Variants in PRSS12 observed in about 807,000 individuals in gnomAD.
PRSS12 encodes neurotrypsin.
In PRSS12, 85 loss-of-function variants were observed where a neutral mutation model predicts 104.4. The observed-to-expected ratio is 0.81, with a 90% CI of 0.68 to 0.98. The LOEUF is 0.98. Ranked by LOEUF, PRSS12 falls within the 50% of genes least tolerant of loss-of-function variation. PRSS12 has a pLI of 0.00. For missense variants in PRSS12, 1,141 were observed against 1,139.2 expected (o/e 1.00, Z -0.02); for synonymous variants, 454 against 425.2 (o/e 1.07, Z -0.83).
chr4:118,323,374 C>T (rs1280347697), intron 4 of PRSS12, among the ~76,000 whole-genome samples: 1 of 151,568 alleles, frequency 6.6e-6, no homozygotes, highest in East Asian at 1.9e-4. Flanking sequence ...TATAAGGAAA[C>T]CTGAGACCAA....
At chr4:118,346,169 ATAGAGGAGCC>A (rs1387159402) in intron 1 of PRSS12, among the ~76,000 whole-genome samples, 2 of 152,192 alleles carry the variant, frequency 1.3e-5, no homozygotes, top group East Asian at 3.8e-4. Context: ...TCTGAAGAGG[ATAGAGGAGCC>A]AAGAAAGTAG....
Position 118,280,780 on chromosome 4 carries a change from A to G in PRSS12, c.*1156T>C, listed in dbSNP as rs949148615. ...CCATAGGGAAACCAATCATTTAGGT[A>G]GGAGAACCATGGGGAAAAAAATCAG... On this transcript the variant is annotated 3_prime_UTR_variant, in exon 13 of 13. Coordinates refer to ENST00000296498, the MANE Select transcript of PRSS12 (RefSeq NM_003619.4). 4.6e-5 allele frequency: 7 copies of G among 152,254 alleles called. No individual in the cohort carries two copies. The highest frequency in any genetic ancestry group is 1.4e-4 in the African/African-American group (6 of 41,468). The allele number at this position is 152,254 out of a possible 1,614,324, so 9.4% of individuals were successfully genotyped here. A position where few individuals can be genotyped will look rare whatever the true frequency, so the allele number is the denominator to read the frequency against.
intron 1 of PRSS12, among the ~76,000 whole-genome samples, chr4:118,339,577 A>G (rs1448046451): frequency 6.6e-6 from 1 of 152,226 alleles, no homozygotes; most frequent in African/African-American, 2.4e-5. Flanking sequence ...GGAGGTGAGC[A>G]TTGTACAGTA....
At chr4:118,345,944 T>A (rs1724343686) in intron 1 of PRSS12, among the ~76,000 whole-genome samples, 1 of 152,216 alleles carries the variant, frequency 6.6e-6, no homozygotes, top group African/African-American at 2.4e-5. Flanking sequence ...ATCTATGTAA[T>A]CATGGTAATT....
Position 118,336,615 on chromosome 4 carries a change from A to G in PRSS12, c.642-964T>C, listed in dbSNP as rs141320393. Among the ~76,000 whole-genome samples, 1,027 of 152,268 alleles carry G rather than the reference A, an allele frequency of 6.7e-3. 13 individuals carry two copies. Among genetic ancestry groups the G allele is most frequent in the African/African-American group, 0.023 (942 of 41,554 alleles). ...ATGATACTATATAAGCAGCTGGATCAGCTTATCTGAAGTTTGTTTGCAGAA... is the reference window on the plus strand; with the variant it reads ...ATGATACTATATAAGCAGCTGGATCGGCTTATCTGAAGTTTGTTTGCAGAA... On this transcript the variant is annotated intron_variant, in intron 2 of 12. Coordinates refer to ENST00000296498, the MANE Select transcript of PRSS12 (RefSeq NM_003619.4).
rs1724549986 is a variant in PRSS12, at chr4:118,352,618, G to A, written c.103C>T (p.His35Tyr). ...LNDSLHHSHR[H>Y]SPPAGPHYPY... Reference sequence around the variant, plus strand: ...TAGTGCGGACCCGCAGGGGGCGAATGGCGGTGGCTGTGGTGGAGGGAATCA... The same window carrying A: ...TAGTGCGGACCCGCAGGGGGCGAATAGCGGTGGCTGTGGTGGAGGGAATCA... The change falls in exon 1 of 13, where the codon CAT becomes TAT. Residue 35 changes from histidine to tyrosine, a missense_variant. By Grantham distance (83) the His-to-Tyr change is moderately conservative. Transcript: ENST00000296498. 1.2e-6 allele frequency: 2 copies of A among 1,611,470 alleles called. No homozygotes were observed. Among genetic ancestry groups the A allele is most frequent in the Non-Finnish European group, 1.7e-6 (2 of 1,179,066 alleles).
chr4:118,319,358 G>A (rs1164069430), intron 4 of PRSS12, among the ~76,000 whole-genome samples: 1 of 151,872 alleles, frequency 6.6e-6, no homozygotes, highest in Admixed American at 6.6e-5. Context: ...GTGAACCACC[G>A]CACCCTGCCA....
rs1743223579 is a variant in PRSS12 at position 118,295,065 on chromosome 4, A to G, written c.1917-4T>C. ...AACCTGCCAAGGCCAACCACCCCTAAGAAGAAAATGAGCTACACATCAACG... is the reference window on the plus strand; with the variant it reads ...AACCTGCCAAGGCCAACCACCCCTAGGAAGAAAATGAGCTACACATCAACG... On this transcript the variant is annotated splice_polypyrimidine_tract_variant and splice_region_variant and intron_variant, in intron 10 of 12. Transcript: ENST00000296498. 6.2e-7 allele frequency: 1 copy of G among 1,613,894 alleles called. No individual in the cohort carries two copies. Among genetic ancestry groups the G allele is most frequent in the Non-Finnish European group, 8.5e-7 (1 of 1,179,986 alleles).
At chr4:118,309,298 G>C (rs1284655889) in intron 7 of PRSS12, among the ~76,000 whole-genome samples, 1 of 152,160 alleles carries the variant, frequency 6.6e-6, no homozygotes, top group East Asian at 1.9e-4. Flanking sequence ...TTATGATTTT[G>C]AATCGAAACT....
chr4:118,305,957 A>C (rs554098396), intron 8 of PRSS12: 1 of 152,106 alleles, frequency 6.6e-6, no homozygotes, highest in Non-Finnish European at 1.5e-5. Flanking sequence ...CATTTTCTTC[A>C]TCCATTCATT....
At chr4:118,321,764 G>A (rs1315705881) in intron 4 of PRSS12, among the ~76,000 whole-genome samples, 1 of 152,178 alleles carries the variant, frequency 6.6e-6, no homozygotes, top group Non-Finnish European at 1.5e-5. Context: ...AAAGTTGGGG[G>A]AATGGTAAGG....
intron 7 of PRSS12, among the ~76,000 whole-genome samples, chr4:118,308,897 CCTTA>C (rs1743629579): frequency 6.6e-6 from 1 of 152,058 alleles, no homozygotes; most frequent in Non-Finnish European, 1.5e-5. Context: ...TTTTATTACA[CCTTA>C]CTTCTAAATA....
chr4:118,282,874 C>T lies in PRSS12; in HGVS notation c.2277G>A (p.Gln759=). ...ACLPLWRERP[Q]KTASNCYITG... ...TTATGTAACAGTTGGATGCTGTTTT[C>T]TGTGGCCTCTCTCTCCAGAGTGGTA... The change falls in exon 12 of 13, where the codon CAG becomes CAA. Residue 759 remains glutamine (Q), a synonymous_variant. Coordinates refer to ENST00000296498, the MANE Select transcript of PRSS12 (RefSeq NM_003619.4). The T allele has an allele frequency of 6.2e-7, 1 of 1,614,194 alleles. No individual in the cohort carries two copies.
At chr4:118,296,184 T>C (rs948656794) in intron 9 of PRSS12, among the ~76,000 whole-genome samples, 1 of 152,224 alleles carries the variant, frequency 6.6e-6, no homozygotes, top group Non-Finnish European at 1.5e-5. Context: ...GAACAAAATG[T>C]ATGGAACATT....
chr4:118,299,822 TAAAATA>T (rs1743362904), intron 8 of PRSS12, among the ~76,000 whole-genome samples: 1 of 105,540 alleles, frequency 9.5e-6, no homozygotes, highest in African/African-American at 3.3e-5. Context: ...TAAAATAAAA[TAAAATA>T]AAATAAAATA....
rs573289741 is a variant in PRSS12, at chr4:118,281,733, T to A, written c.*203A>T. ...GTGAAATTAGGGTAGAAAATGTTCA[T>A]TTAAGGATTATCACTTCCACTACAC... On this transcript the variant is annotated 3_prime_UTR_variant, in exon 13 of 13. Transcript: ENST00000296498. 27 of 603,800 alleles carry A rather than the reference T, an allele frequency of 4.5e-5. No individual in the cohort carries two copies. The South Asian group carries it at 5.1e-4, about 11-fold the overall frequency. 37.4% of individuals were successfully genotyped at this position (603,800 alleles called of 1,614,324 possible).
chr4:118,342,150 C>T (rs1051467267), intron 1 of PRSS12, among the ~76,000 whole-genome samples: 2 of 152,158 alleles, frequency 1.3e-5, no homozygotes, highest in South Asian at 2.1e-4. Flanking sequence ...CACATTTGCA[C>T]AAATGTATAG....
intron 8 of PRSS12, among the ~76,000 whole-genome samples, chr4:118,302,627 A>C (rs1464382412): frequency 6.6e-6 from 1 of 152,186 alleles, no homozygotes; most frequent in African/African-American, 2.4e-5. Context: ...GGGTTTCACC[A>C]TGTTGGCCAG....
chr4:118,338,355 A>G, intron 1 of PRSS12, 41 bp from the exon 2 acceptor site: 1 of 1,611,484 alleles, frequency 6.2e-7, no homozygotes, highest in Non-Finnish European at 8.5e-7. Context: ...AATAGTAAAT[A>G]ATCATTTGAA....
Sources: gnomAD v4.1 joint callset for allele counts (sites outside exome capture counted in the v4.1 genomes callset) on GRCh38, gnomAD v4.1.1 for gene constraint, MANE v1.5 for transcripts, NCBI Gene and HGNC (gene_info 2026-07-23, HGNC 2026-07-21) for gene names.